The following PATZ1 variants were observed in gnomAD, a reference collection of about 807,000 sequenced individuals.
The protein encoded by PATZ1 is POZ-, AT hook-, and zinc finger-containing protein 1.
PATZ1 carries 9 observed loss-of-function variants against 46.2 expected under a neutral mutation model. The ratio of observed to expected loss-of-function variants is 0.19; its 90% CI spans 0.12 to 0.34. The LOEUF is 0.34. Among genes scored for constraint, PATZ1 ranks in the 10% least tolerant of loss-of-function variants. The pLI, the probability that PATZ1 is intolerant of heterozygous loss-of-function variation, is 1.00. For synonymous variants in PATZ1, 426 were observed against 378.6 expected, an observed-to-expected ratio of 1.13 and a Z score of -1.45; for missense variants, 632 against 923.0, an observed-to-expected ratio of 0.68 and a Z score of 4.08.
At chr22:31,332,930 T>C (rs1273182660) in intron 3 of PATZ1, among the ~76,000 whole-genome samples, 4 of 152,224 alleles carry the variant, frequency 2.6e-5, no homozygotes, top group Non-Finnish European at 2.9e-5. Context: ...GCCAGGGCCT[T>C]CTCCCTTTTC....
At position 31,344,971 on chromosome 22, in the gene PATZ1, T is replaced by C. The variant is rs201570433; in HGVS notation, c.632A>G (p.Glu211Gly). ...GGCTGCACCAGCCGCCCGAGCTGCC[T>C]CCTCCTCTGGCTGCATGCTGCCGGC... ...GIAGSMQPEE[E>G]AARAAGAAIA... The change falls in exon 1 of 5, where the codon GAG (glutamate) becomes GGG (glycine). Residue 211 changes from glutamate (E) to glycine (G), a missense_variant. Glu to Gly is a moderately conservative substitution (Grantham distance 98). This residue lies in a region of PATZ1 where 279 missense variants were observed against 284.3 expected (regional missense o/e 0.98). Coordinates refer to ENST00000266269, the MANE Select transcript of PATZ1 (RefSeq NM_014323.3). 5.9e-5 allele frequency: 96 copies of C among 1,613,796 alleles called. No individual in the cohort carries two copies. The highest frequency in any genetic ancestry group is 7.8e-5 in the Non-Finnish European group (92 of 1,179,940).
chr22:31,345,638 C>T lies in PATZ1; in HGVS notation c.-36G>A. Reference sequence around the variant, plus strand: ...CCCTCCCACTAGCCCGGCCGCTGCACCTGCCCGCCCCCTCCCTTCCCCTCA... The same window carrying T: ...CCCTCCCACTAGCCCGGCCGCTGCATCTGCCCGCCCCCTCCCTTCCCCTCA... On this transcript the variant is annotated 5_prime_UTR_variant, in exon 1 of 5. In the 5' UTR this introduces an upstream ATG that the reference lacks. Coordinates refer to ENST00000266269, the MANE Select transcript of PATZ1 (RefSeq NM_014323.3). This position sits in a 1 kb window ranked among gnomAD's most constrained non-coding sequence, Gnocchi z 7.4. 1 of 1,540,756 alleles carries T rather than the reference C, an allele frequency of 6.5e-7. No homozygotes were observed. Among genetic ancestry groups the T allele is most frequent in the Non-Finnish European group, 8.8e-7 (1 of 1,139,096 alleles).
chr22:31,346,316 C>A lies in PATZ1; in HGVS notation c.-714G>T, dbSNP rs1029123116. On this transcript the variant is annotated 5_prime_UTR_variant, in exon 1 of 5. Transcript: ENST00000266269. ...GGAGCGGCGGCTGTGCGGCCCCGGG[C>A]TCCGTGTGTTCGGAGCGGAGGAAAG... 3 of 154,124 alleles carry A rather than the reference C, an allele frequency of 1.9e-5. No homozygotes were observed. The highest frequency in any genetic ancestry group is 7.3e-5 in the African/African-American group (3 of 41,378). The allele number at this position is 154,124 out of a possible 1,614,324, so 9.5% of individuals were successfully genotyped here.
At chr22:31,343,220 C>A in intron 1 of PATZ1, 2 of 1,229,840 alleles carry the variant, frequency 1.6e-6, no homozygotes, top group South Asian at 2.0e-5. Context: ...CCTCAATTCT[C>A]CCCACCAGAA....
chr22:31,340,581 G>T (rs2049568046), intron 2 of PATZ1: 1 of 618,802 alleles, frequency 1.6e-6, no homozygotes, highest in Non-Finnish European at 2.1e-6. Context: ...GAGAGTGTAT[G>T]TTGGGAGGGG....
chr22:31,341,579 C>A (rs551294980), intron 2 of PATZ1: 2 of 1,614,030 alleles, frequency 1.2e-6, no homozygotes, highest in Non-Finnish European at 1.7e-6. Flanking sequence ...TGTCAGGAAC[C>A]GAATGGGACG....
intron 2 of PATZ1, among the ~76,000 whole-genome samples, chr22:31,342,556 G>A (rs879522523): frequency 1.3e-5 from 2 of 151,908 alleles, no homozygotes; most frequent in African/African-American, 2.4e-5. Context: ...CAGGCCCAGC[G>A]CAGTGCCGGG....
chr22:31,337,285 C>T (rs2145821495), intron 2 of PATZ1, among the ~76,000 whole-genome samples: 1 of 152,332 alleles, frequency 6.6e-6, no homozygotes, highest in South Asian at 2.1e-4. Context: ...CCGAGGCAAG[C>T]TGTGTGATCA....
rs1242378341 is a variant in PATZ1, at chr22:31,326,905, G to T, written c.2050C>A (p.Pro684Thr). Residue 684 changes from proline (P) to threonine (T), a missense_variant, in exon 5 of 5, where the codon CCT (proline) becomes ACT (threonine). Pro to Thr is a conservative substitution (Grantham distance 38). Transcript: ENST00000266269. ...DPEVDQQPMG[P>T]EGK Reference sequence around the variant, plus strand: ...CAGCAGCTGCCTCATTTCCCTTCAGGCCCCATGGGCTGCTGGTCAACCTCA... The same window carrying T: ...CAGCAGCTGCCTCATTTCCCTTCAGTCCCCATGGGCTGCTGGTCAACCTCA... 6 of 1,612,194 alleles carry T rather than the reference G, an allele frequency of 3.7e-6. No homozygotes were observed. Among genetic ancestry groups the T allele is most frequent in the East Asian group, 2.2e-5 (1 of 44,864 alleles).
At chr22:31,343,039 C>T (rs990563072) in intron 1 of PATZ1, 79 bp from the exon 2 acceptor site, 20 of 1,103,358 alleles carry the variant, frequency 1.8e-5, no homozygotes, top group South Asian at 4.9e-5. Flanking sequence ...TACGTGTGTA[C>T]ACACACACAC....
chr22:31,344,159 G>A (rs1310498307), intron 1 of PATZ1, among the ~76,000 whole-genome samples, 173 bp downstream of exon 1: 2 of 152,176 alleles, frequency 1.3e-5, no homozygotes, highest in Non-Finnish European at 2.9e-5. Flanking sequence ...TGGAAAGCAG[G>A]TCTCAGGCAT....
Position 31,328,738 on chromosome 22 carries a change from C to A in PATZ1, c.1645+49G>T. The A allele has an allele frequency of 6.3e-7, 1 of 1,591,330 alleles. No homozygotes were observed. The highest frequency in any genetic ancestry group is 8.6e-7 in the Non-Finnish European group (1 of 1,161,332). ...CCCCACGCCCAGCCCAGCGCCCCCA[C>A]AACACAGTCTGCGCAGAGAAGCAAA... On this transcript the variant is annotated intron_variant, in intron 4 of 4. Transcript: ENST00000266269. The surrounding 1 kb of genome is among the most constrained non-coding windows in gnomAD (Gnocchi z 4.8).
intron 2 of PATZ1, among the ~76,000 whole-genome samples, chr22:31,341,860 C>T (rs536931302): frequency 6.6e-6 from 1 of 152,320 alleles, no homozygotes; most frequent in East Asian, 1.9e-4. Flanking sequence ...AAAGACAGAT[C>T]CCAGCAGGCC....
At chr22:31,332,322 G>A (rs139399206) in intron 3 of PATZ1, among the ~76,000 whole-genome samples, 80 of 152,282 alleles carry the variant, frequency 5.3e-4, no homozygotes, top group African/African-American at 1.6e-3. Flanking sequence ...AGCAGAATAC[G>A]TCTTTGAAGC....
At chr22:31,341,438 G>A (rs1437896231) in intron 2 of PATZ1, 1 of 1,584,102 alleles carries the variant, frequency 6.3e-7, no homozygotes, top group South Asian at 1.2e-5. Context: ...AGGCCCTGCT[G>A]CCCTCTGGGG....
chr22:31,332,823 T>G (rs1022229367), intron 3 of PATZ1, among the ~76,000 whole-genome samples: 2 of 152,254 alleles, frequency 1.3e-5, no homozygotes, highest in African/African-American at 4.8e-5. Context: ...CAAAGGCGGA[T>G]TCCTGATAAT....
Position 31,327,190 on chromosome 22 carries a change from C to T in PATZ1, c.1765G>A (p.Asp589Asn), listed in dbSNP as rs371277923. 2.6e-5 allele frequency: 42 copies of T among 1,614,070 alleles called. No homozygotes were observed. Among genetic ancestry groups the T allele is most frequent in the Non-Finnish European group, 3.5e-5 (41 of 1,180,038 alleles). The change falls in exon 5 of 5, where the codon GAC becomes AAC. Residue 589 changes from aspartate to asparagine, a missense_variant. By Grantham distance (23) the Asp-to-Asn change is conservative (BLOSUM62 1). Coordinates refer to ENST00000266269, the MANE Select transcript of PATZ1 (RefSeq NM_014323.3). This position sits in a 1 kb window ranked among gnomAD's most constrained non-coding sequence, Gnocchi z 4.2. ...KQSANGSFSC[D>N]MAVPKNKMES... Reference sequence around the variant, plus strand: ...ATTTTGTTTTTGGGGACTGCCATGTCGCAGGAGAAAGAGCCATTGGCACTC... The same window carrying T: ...ATTTTGTTTTTGGGGACTGCCATGTTGCAGGAGAAAGAGCCATTGGCACTC...
chr22:31,328,634 A>G lies in PATZ1; in HGVS notation c.1645+153T>C, dbSNP rs1449626254. On this transcript the variant is annotated intron_variant, in intron 4 of 4. Transcript: ENST00000266269. This position sits in a 1 kb window ranked among gnomAD's most constrained non-coding sequence, Gnocchi z 4.8. Reference sequence around the variant, plus strand: ...GCCCTGGAGTGAGATACCCACTGTGACTTTTGTCCTGGAGGCCACTGCCAC... The same window carrying G: ...GCCCTGGAGTGAGATACCCACTGTGGCTTTTGTCCTGGAGGCCACTGCCAC... Among the ~76,000 whole-genome samples the G allele has an allele frequency of 2.0e-5, 3 of 152,140 alleles. No homozygotes were observed. Among genetic ancestry groups the G allele is most frequent in the African/African-American group, 4.8e-5 (2 of 41,418 alleles).
chr22:31,344,009 G>A (rs993831958), intron 1 of PATZ1, among the ~76,000 whole-genome samples: 2 of 152,220 alleles, frequency 1.3e-5, no homozygotes, highest in African/African-American at 4.8e-5. Flanking sequence ...CCCAGAGGGG[G>A]CCCCACGCCT....
Sources: allele counts gnomAD v4.1 joint callset (sites outside exome capture counted in the v4.1 genomes callset), GRCh38; gene constraint gnomAD v4.1.1; regional missense constraint gnomAD v4.1.1; non-coding constraint Gnocchi (gnomAD v3.1); transcripts MANE v1.5; gene names NCBI Gene and HGNC (gene_info 2026-07-23, HGNC 2026-07-21).